ALK: variants seen among roughly 807,000 people sequenced by gnomAD.
ALK encodes the protein ALK tyrosine kinase receptor.
Under a neutral mutation model 163.1 loss-of-function variants are expected in ALK, and 74 were observed. That is an observed-to-expected ratio of 0.45 (90% CI 0.38 to 0.55). The LOEUF is 0.55. Ranked by LOEUF, ALK falls within the 20% of genes least tolerant of loss-of-function variation. The pLI, the probability that ALK is intolerant of heterozygous loss-of-function variation, is 0.00. For synonymous variants in ALK, 960 were observed against 843.2 expected (o/e 1.14, Z -2.40); for missense variants, 2,063 against 2,105.3 (o/e 0.98, Z 0.39).
intron 1 of ALK, among the ~76,000 whole-genome samples, chr2:29,733,145 G>A (rs527539887): frequency 1.3e-5 from 2 of 152,226 alleles, no homozygotes; most frequent in South Asian, 2.1e-4. Context: ...GGCTAGTGGG[G>A]CACTCTCCCT....
intron 4 of ALK, among the ~76,000 whole-genome samples, chr2:29,529,769 A>G (rs942763106): frequency 6.6e-6 from 1 of 152,174 alleles, no homozygotes; most frequent in African/African-American, 2.4e-5. Context: ...TAAATCTGGA[A>G]TCACTCCAGC....
intron 3 of ALK, among the ~76,000 whole-genome samples, chr2:29,558,885 G>A (rs1455654716): frequency 6.6e-6 from 1 of 152,088 alleles, no homozygotes. Context: ...TGAACTGAAA[G>A]GGACTATAGG....
intron 1 of ALK, among the ~76,000 whole-genome samples, chr2:29,844,255 G>A (rs2148396544): frequency 6.6e-6 from 1 of 152,312 alleles, no homozygotes; most frequent in South Asian, 2.1e-4. Flanking sequence ...GTAAGAGCAA[G>A]AACTCTCAGA....
chr2:29,328,379 G>T lies in ALK; in HGVS notation c.1385C>A (p.Ala462Asp). 6.2e-7 allele frequency: 1 copy of T among 1,614,152 alleles called. No individual in the cohort carries two copies. Among genetic ancestry groups the T allele is most frequent in the Non-Finnish European group, 8.5e-7 (1 of 1,180,012 alleles). ...GQACDFHQDCAQGEDESQMCR... is the reference protein window; with the variant it reads ...GQACDFHQDCDQGEDESQMCR... ...CATCTGGCTCTCATCTTCTCCCTGG[G>T]CACAGTCCTGGTGGAAGTCACAGGC... Residue 462 changes from alanine to aspartate, a missense_variant, in exon 6 of 29, where the codon GCC becomes GAC. Transcript: ENST00000389048.
intron 3 of ALK, among the ~76,000 whole-genome samples, chr2:29,641,035 G>A (rs926578278): frequency 1.3e-5 from 2 of 152,162 alleles, no homozygotes; most frequent in Non-Finnish European, 1.5e-5. Flanking sequence ...TATAGTGCTT[G>A]GCGGGGGCAG....
intron 2 of ALK, among the ~76,000 whole-genome samples, chr2:29,712,255 ATGCATGCAGAGATCTTT>A (rs1679125173): frequency 6.6e-6 from 1 of 152,208 alleles, no homozygotes; most frequent in Admixed American, 6.5e-5. Context: ...TTTGTGGTGA[ATGCATGCAGAGATCTTT>A]TGCTTATCAA....
Position 29,232,150 on chromosome 2 carries a change from C to T in ALK, c.2632+154G>A, listed in dbSNP as rs12714270. 0.62 allele frequency among the ~76,000 whole-genome samples: 93,973 copies of T among 152,052 alleles called. 30,236 individuals are homozygous for T. Among genetic ancestry groups the T allele is most frequent in the Middle Eastern group, 0.77 (226 of 294 alleles). ...GGCCTGCAGGGCTCCCAGGGTGCTG[C>T]CTGCCCTCCCTCCCTGGATATCGGT... On this transcript the variant is annotated intron_variant, in intron 15 of 28. Coordinates refer to ENST00000389048, the MANE Select transcript of ALK (RefSeq NM_004304.5).
chr2:29,239,545 T>G, intron 13 of ALK, 135 bp downstream of exon 13: 4 of 1,135,272 alleles, frequency 3.5e-6, no homozygotes, highest in Non-Finnish European at 5.2e-6. Flanking sequence ...GCAAAGCTGC[T>G]GTTTAATTAC....
intron 3 of ALK, among the ~76,000 whole-genome samples, chr2:29,587,132 ATGC>A (rs1167471893): frequency 6.6e-6 from 1 of 152,168 alleles, no homozygotes; most frequent in African/African-American, 2.4e-5. Flanking sequence ...AACTGGAGGG[ATGC>A]TAATATATTT....
At chr2:29,447,204 C>T (rs915422376) in intron 4 of ALK, among the ~76,000 whole-genome samples, 2 of 152,276 alleles carry the variant, frequency 1.3e-5, no homozygotes, top group East Asian at 1.9e-4. Flanking sequence ...CCACAATCTA[C>T]CCCCAGCTGA....
At chr2:29,824,478 A>T (rs1012946326) in intron 1 of ALK, among the ~76,000 whole-genome samples, 3 of 152,218 alleles carry the variant, frequency 2.0e-5, no homozygotes, top group African/African-American at 2.4e-5. Context: ...GGCAGCTGGG[A>T]GGGGGCCTGT....
At chr2:29,498,370 AT>A (rs140449633) in intron 4 of ALK, among the ~76,000 whole-genome samples, 65,514 of 151,186 alleles carry the variant, frequency 0.43, 14,844 homozygotes, top group Middle Eastern at 0.5. Context: ...TTGAACTGTG[AT>A]TTTTTTTTTC....
chr2:29,381,116 G>A (rs1668886144), intron 5 of ALK, among the ~76,000 whole-genome samples: 1 of 152,238 alleles, frequency 6.6e-6, no homozygotes, highest in Admixed American at 6.5e-5. Context: ...AGATCAACTT[G>A]GGATCGAGTT....
At chr2:29,575,626 G>A (rs967549322) in intron 3 of ALK, among the ~76,000 whole-genome samples, 1 of 152,212 alleles carries the variant, frequency 6.6e-6, no homozygotes, top group South Asian at 2.1e-4. Flanking sequence ...AATTCAATTT[G>A]TGTTGGCAGC....
intron 1 of ALK, among the ~76,000 whole-genome samples, chr2:29,876,756 G>A (rs909089991): frequency 4.0e-5 from 6 of 151,080 alleles, no homozygotes; most frequent in African/African-American, 7.3e-5. Context: ...GATGATGGTG[G>A]TGATGGTGAT....
intron 9 of ALK, among the ~76,000 whole-genome samples, chr2:29,278,322 T>A (rs1173855174): frequency 6.6e-6 from 1 of 152,204 alleles, no homozygotes; most frequent in East Asian, 1.9e-4. Flanking sequence ...TCTGCCATTA[T>A]TTCAGGGAAA....
At chr2:29,579,676 A>C (rs11678427) in intron 3 of ALK, among the ~76,000 whole-genome samples, 4 of 151,978 alleles carry the variant, frequency 2.6e-5, no homozygotes, top group Non-Finnish European at 5.9e-5. Flanking sequence ...TACATGCCAG[A>C]TTTGAAAAAC....
chr2:29,383,108 T>A (rs1389153617), intron 5 of ALK, among the ~76,000 whole-genome samples: 1 of 152,140 alleles, frequency 6.6e-6, no homozygotes, highest in African/African-American at 2.4e-5. Context: ...TCAGGCTTCC[T>A]CTGGGTCCAC....
Position 29,223,484 on chromosome 2 carries a change from G to C in ALK, c.3217C>G (p.Leu1073Val), listed in dbSNP as rs1669865682. 6.2e-7 allele frequency: 1 copy of C among 1,614,028 alleles called. No homozygotes were observed. The highest frequency in any genetic ancestry group is 1.3e-5 in the African/African-American group (1 of 74,926). ...CTCAGCTTGTACTCAGGGCTCTGCA[G>C]CTCCATCTGCATGGCTTGCAGCTCC... Reference protein sequence around the residue: ...HQELQAMQMELQSPEYKLSKL... With the variant: ...HQELQAMQMEVQSPEYKLSKL... The change falls in exon 20 of 29, where the codon CTG becomes GTG. Residue 1073 changes from leucine (L) to valine (V), a missense_variant. This residue lies in a region of ALK where 575 missense variants were observed against 626.6 expected (regional missense o/e 0.92). Coordinates refer to ENST00000389048, the MANE Select transcript of ALK (RefSeq NM_004304.5).
Sources: gnomAD v4.1 joint callset for allele counts (sites outside exome capture counted in the v4.1 genomes callset) on GRCh38, gnomAD v4.1.1 for gene constraint, gnomAD v4.1.1 regional missense constraint, MANE v1.5 for transcripts, NCBI Gene and HGNC (gene_info 2026-07-23, HGNC 2026-07-21) for gene names.